The following ZBTB41 variants were observed in gnomAD, a reference collection of about 807,000 sequenced individuals.
ZBTB41 encodes zinc finger and BTB domain-containing protein 41.
ZBTB41 carries 42 observed loss-of-function variants against 87.6 expected under a neutral mutation model. The ratio of observed to expected loss-of-function variants is 0.48; its 90% CI spans 0.37 to 0.62. The LOEUF (loss-of-function observed/expected upper bound fraction) is 0.62, where lower values mean the gene tolerates loss of function less well. Ranked by LOEUF, ZBTB41 falls within the 20% of genes least tolerant of loss-of-function variation. The pLI, the probability that ZBTB41 is intolerant of heterozygous loss-of-function variation, is 0.00. For missense variants in ZBTB41, 799 were observed against 1,078.9 expected, an observed-to-expected ratio of 0.74 and a Z score of 3.63; for synonymous variants, 364 against 364.0, an observed-to-expected ratio of 1.00 and a Z score of 0.00.
intron 4 of ZBTB41, 104 bp downstream of exon 4, chr1:197,190,658 G>A (rs762968331): frequency 7.4e-5 from 47 of 638,870 alleles, no homozygotes; most frequent in Non-Finnish European, 1.2e-4. Flanking sequence ...TTCTAAAAGT[G>A]AGATAAGCTA....
intron 5 of ZBTB41, among the ~76,000 whole-genome samples, chr1:197,181,694 G>A (rs1659752225): frequency 6.6e-6 from 1 of 152,110 alleles, no homozygotes; most frequent in Non-Finnish European, 1.5e-5. Flanking sequence ...CTATATATTA[G>A]CAAGAAGATG....
In ZBTB41 at chr1:197,172,166, G is replaced by A. The variant is rs1327314665; in HGVS notation, c.2068C>T (p.His690Tyr). The A allele has an allele frequency of 7.2e-7, 1 of 1,396,304 alleles. No individual in the cohort carries two copies. The highest frequency in any genetic ancestry group is 2.2e-5 in the Admixed American group (1 of 44,662). 86.5% of individuals were successfully genotyped at this position (1,396,304 alleles called of 1,614,324 possible). A position where few individuals can be genotyped will look rare whatever the true frequency, so the allele number is the denominator to read the frequency against. The change falls in exon 10 of 11, where the codon CAT becomes TAT. Residue 690 changes from histidine (H) to tyrosine (Y), a missense_variant. Around this residue, in one of 5 missense-constraint regions of ZBTB41, gnomAD observed 198 missense variants for 358.4 expected, o/e 0.55. Transcript: ENST00000367405. ...ACCACTCATTAAATTTTACCTGAATGCGTTCGAAAATGCATTTCCAGACTT... is the reference window on the plus strand; with the variant it reads ...ACCACTCATTAAATTTTACCTGAATACGTTCGAAAATGCATTTCCAGACTT... ...KSSLEMHFRTHSGEKPYKCQI... is the reference protein window; with the variant it reads ...KSSLEMHFRTYSGEKPYKCQI...
At chr1:197,160,904 T>G (rs1659186500) in intron 10 of ZBTB41, among the ~76,000 whole-genome samples, 1 of 152,108 alleles carries the variant, frequency 6.6e-6, no homozygotes, top group African/African-American at 2.4e-5. Context: ...AGATGCAACA[T>G]GAGAACTCAA....
intron 2 of ZBTB41, among the ~76,000 whole-genome samples, chr1:197,192,687 A>G (rs1245035445): frequency 6.6e-6 from 1 of 152,180 alleles, no homozygotes. Context: ...TCTCCTGAAA[A>G]ATAAATGTAT....
chr1:197,181,126 G>T lies in ZBTB41; in HGVS notation c.1547-9C>A. 1 of 1,210,278 alleles carries T rather than the reference G, an allele frequency of 8.3e-7. No individual in the cohort carries two copies. Among genetic ancestry groups the T allele is most frequent in the Admixed American group, 2.8e-5 (1 of 36,256 alleles). 75.0% of individuals were successfully genotyped at this position (1,210,278 alleles called of 1,614,324 possible). ...ATCACATGGAAAAGGACCTAAAAAG[G>T]AAAAAAAAAAAGTGTGCATTTAAAG... is the stretch of plus-strand genomic sequence containing the variant. On this transcript the variant is annotated splice_polypyrimidine_tract_variant and intron_variant, in intron 5 of 10. Transcript: ENST00000367405.
chr1:197,192,793 A>G (rs1342649626), intron 2 of ZBTB41, among the ~76,000 whole-genome samples: 1 of 152,166 alleles, frequency 6.6e-6, no homozygotes, highest in Non-Finnish European at 1.5e-5. Flanking sequence ...CATGAAAATT[A>G]TGAAAAATCC....
intron 3 of ZBTB41, 82 bp from the exon 4 acceptor site, chr1:197,190,913 T>A: frequency 1.1e-6 from 1 of 893,548 alleles, no homozygotes; most frequent in Non-Finnish European, 1.7e-6. Context: ...TTGACAGTAA[T>A]TACCAGGATC....
chr1:197,170,227 CAATATATATATAATG>C (rs1659445384), intron 10 of ZBTB41, among the ~76,000 whole-genome samples: 4 of 148,372 alleles, frequency 2.7e-5, no homozygotes, highest in Non-Finnish European at 6.0e-5. Context: ...AAAAATTTAG[CAATATATATATAATG>C]AACTAAGGGT....
At chr1:197,195,437 T>C (rs994283199) in intron 2 of ZBTB41, among the ~76,000 whole-genome samples, 1 of 152,240 alleles carries the variant, frequency 6.6e-6, no homozygotes, top group Non-Finnish European at 1.5e-5. Flanking sequence ...GTTCATTATA[T>C]ATCTGATATT....
intron 8 of ZBTB41, 24 bp downstream of exon 8, chr1:197,176,540 C>T: frequency 1.3e-6 from 2 of 1,511,928 alleles, no homozygotes; most frequent in African/African-American, 1.4e-5. Context: ...GATTTTCGAA[C>T]TAGCATTACA....
chr1:197,198,929 GACA>G (rs1320637504), intron 2 of ZBTB41, among the ~76,000 whole-genome samples: 1 of 152,072 alleles, frequency 6.6e-6, no homozygotes, highest in Non-Finnish European at 1.5e-5. Flanking sequence ...CTGGAAAAGT[GACA>G]ACATTTATAA....
chr1:197,160,317 T>C (rs1029277804), intron 10 of ZBTB41, among the ~76,000 whole-genome samples: 2 of 151,884 alleles, frequency 1.3e-5, no homozygotes, highest in Non-Finnish European at 2.9e-5. Context: ...CCTCACAGAG[T>C]TGGTAAATGG....
chr1:197,173,681 A>G (rs558185009), intron 9 of ZBTB41, among the ~76,000 whole-genome samples: 12 of 152,220 alleles, frequency 7.9e-5, no homozygotes, highest in East Asian at 5.8e-4. Flanking sequence ...TTGTGAATTG[A>G]GGTTGTGAAT....
At chr1:197,185,537 T>G (rs1219875814) in intron 5 of ZBTB41, among the ~76,000 whole-genome samples, 2 of 151,622 alleles carry the variant, frequency 1.3e-5, no homozygotes, top group African/African-American at 2.4e-5. Context: ...CACAAACCTA[T>G]GCAACATCAA....
chr1:197,188,270 T>C (rs774839738), intron 5 of ZBTB41, 22 bp downstream of exon 5: 4 of 1,610,908 alleles, frequency 2.5e-6, no homozygotes, highest in Non-Finnish European at 3.4e-6. Context: ...ATGACTGCCT[T>C]AAGAAAAAGT....
chr1:197,169,043 C>T (rs1029752089), intron 10 of ZBTB41, among the ~76,000 whole-genome samples: 2 of 151,824 alleles, frequency 1.3e-5, no homozygotes, highest in Admixed American at 1.3e-4. Flanking sequence ...GATAGTGCTA[C>T]GTATCTATCA....
In ZBTB41 at chr1:197,184,253, T is replaced by C. The variant is rs540944948; in HGVS notation, c.1547-3136A>G. Among the ~76,000 whole-genome samples the C allele has an allele frequency of 2.0e-5, 3 of 152,200 alleles. No homozygotes were observed. The South Asian group carries it at 6.2e-4, about 31-fold the overall frequency. On this transcript the variant is annotated intron_variant, in intron 5 of 10. Coordinates refer to ENST00000367405, the MANE Select transcript of ZBTB41 (RefSeq NM_194314.3). ...GCTTCTTAGAAGTGCTGAAACTGAA[T>C]ACTATGAAAGAACAACTTAGTAAAG... is the stretch of plus-strand genomic sequence containing the variant.
At chr1:197,164,986 A>ACATATCTAATATATTATAT (rs1571646889) in intron 10 of ZBTB41, among the ~76,000 whole-genome samples, 2 of 133,684 alleles carry the variant, frequency 1.5e-5, no homozygotes, top group East Asian at 2.1e-4. Flanking sequence ...TATATATAAT[A>ACATATCTAATATATTATAT]ATATAACCTC....
chr1:197,190,872 A>C lies in ZBTB41; in HGVS notation c.1329-41T>G, dbSNP rs754583174. The C allele has an allele frequency of 3.1e-6, 4 of 1,304,856 alleles. No homozygotes were observed. The Admixed American group carries it at 8.3e-5, about 27-fold the overall frequency. 80.8% of individuals were successfully genotyped at this position (1,304,856 alleles called of 1,614,324 possible). ...AAAAAGATTATTAGGAAAAGGTTAT[A>C]TTAGTTAAATCAATATTCCATGTGA... On this transcript the variant is annotated intron_variant, in intron 3 of 10. Coordinates refer to ENST00000367405, the MANE Select transcript of ZBTB41 (RefSeq NM_194314.3).
Sources: gnomAD v4.1 joint callset for allele counts (sites outside exome capture counted in the v4.1 genomes callset) on GRCh38, gnomAD v4.1.1 for gene constraint, gnomAD v4.1.1 regional missense constraint, MANE v1.5 for transcripts, NCBI Gene and HGNC (gene_info 2026-07-23, HGNC 2026-07-21) for gene names.